CXXC5: variants seen among roughly 807,000 people sequenced by gnomAD.
The protein encoded by CXXC5 is CXXC finger protein 5.
CXXC5 carries 2 observed loss-of-function variants against 17.6 expected under a neutral mutation model. That is an observed-to-expected ratio of 0.11 (90% CI 0.05 to 0.36). The LOEUF (loss-of-function observed/expected upper bound fraction) is 0.36, where lower values mean the gene tolerates loss of function less well. Among genes scored for constraint, CXXC5 ranks in the 10% least tolerant of loss-of-function variants. The pLI is 1.00. For synonymous variants in CXXC5, 171 were observed against 193.0 expected (o/e 0.89, Z 0.94); for missense variants, 343 against 458.3 (o/e 0.75, Z 2.30).
rs73790672 is a variant in CXXC5 at position 139,656,136 on chromosome 5, G to A, written c.-161+7291G>A. ...ACTTGTGTGCCATGCCAGTACGGGC[G>A]TAATGTTCGGGCACTGGGGGCCTGG... On this transcript the variant is annotated intron_variant, in intron 1 of 2. Transcript: ENST00000302517. Among the ~76,000 whole-genome samples, 844 of 152,404 alleles carry A rather than the reference G, an allele frequency of 5.5e-3. 15 individuals are homozygous for A. Among genetic ancestry groups the A allele is most frequent in the African/African-American group, 0.019 (793 of 41,602 alleles).
At chr5:139,652,171 C>CGCGCGCGCGT (rs1491556663) in intron 1 of CXXC5, among the ~76,000 whole-genome samples, 1 of 114,960 alleles carries the variant, frequency 8.7e-6, no homozygotes, top group Non-Finnish European at 1.9e-5. Flanking sequence ...CGCGCGCGCG[C>CGCGCGCGCGT]GTGTGTGTGT....
At chr5:139,667,555 G>A (rs953082215) in intron 1 of CXXC5, among the ~76,000 whole-genome samples, 1 of 152,166 alleles carries the variant, frequency 6.6e-6, no homozygotes, top group Non-Finnish European at 1.5e-5. Context: ...GGTGGGTGTG[G>A]GGCCACTTGG....
upstream of CXXC5, chr5:139,648,175 T>G (rs1292975391): frequency 7.2e-6 from 1 of 139,614 alleles, no homozygotes; most frequent in African/African-American, 2.7e-5. Flanking sequence ...AGCTCCGGCC[T>G]CAGAGCCCGC....
intron 2 of CXXC5, among the ~76,000 whole-genome samples, chr5:139,682,236 C>G (rs907545921): frequency 5.3e-5 from 8 of 152,176 alleles, no homozygotes; most frequent in African/African-American, 1.9e-4. Context: ...CCCCGCCCCT[C>G]TATGAGTGGG....
At chr5:139,669,987 C>T (rs1284373962) in intron 1 of CXXC5, among the ~76,000 whole-genome samples, 1 of 152,216 alleles carries the variant, frequency 6.6e-6, no homozygotes, top group African/African-American at 2.4e-5. Flanking sequence ...GCCTGAGCCT[C>T]CATCGACCCT....
In CXXC5 at chr5:139,670,796, C is replaced by T. The variant is rs1476741470; in HGVS notation, c.-160-9568C>T. On this transcript the variant is annotated intron_variant, in intron 1 of 2. Coordinates refer to ENST00000302517, the MANE Select transcript of CXXC5 (RefSeq NM_016463.9). This position sits in a 1 kb window ranked among gnomAD's most constrained non-coding sequence, Gnocchi z 4.2. ...CTCCCCCAGCACTGCTACATGATCC[C>T]CATATATGCTTTAATGCTGTGGTCT... 6.6e-6 allele frequency among the ~76,000 whole-genome samples: 1 copy of T among 152,200 alleles called. No homozygotes were observed. The highest frequency in any genetic ancestry group is 2.4e-5 in the African/African-American group (1 of 41,430).
At chr5:139,682,735 G>C in intron 2 of CXXC5, 128 bp from the exon 3 acceptor site, 1 of 961,592 alleles carries the variant, frequency 1.0e-6, no homozygotes, top group East Asian at 3.0e-5. Flanking sequence ...GGAGCTCCGA[G>C]GGGTGGCTGC....
intron 1 of CXXC5, among the ~76,000 whole-genome samples, chr5:139,675,118 G>T (rs767022349): frequency 2.6e-5 from 4 of 152,236 alleles, no homozygotes; most frequent in Non-Finnish European, 5.9e-5. Context: ...GGAAGGCAGT[G>T]CTGGGGTCTG....
chr5:139,678,411 C>A (rs1244704414), intron 1 of CXXC5, among the ~76,000 whole-genome samples: 2 of 152,152 alleles, frequency 1.3e-5, no homozygotes, highest in African/African-American at 4.8e-5. Flanking sequence ...CCTGCCAGGG[C>A]CCCCCGGCTC....
chr5:139,680,929 C>T lies in CXXC5; in HGVS notation c.406C>T (p.His136Tyr). The change falls in exon 2 of 3, where the codon CAC (histidine) becomes TAC (tyrosine). Residue 136 changes from histidine (H) to tyrosine (Y), a missense_variant. Physicochemically the swap from His to Tyr is moderately conservative, Grantham distance 83 (BLOSUM62 2). Around this residue, in one of 4 missense-constraint regions of CXXC5, gnomAD observed 297 missense variants for 363.4 expected, o/e 0.82. Coordinates refer to ENST00000302517, the MANE Select transcript of CXXC5 (RefSeq NM_016463.9). Reference sequence around the variant, plus strand: ...GGACAAAAGCAACCCTACCTCAAAGCACAAAAGTGGTGCTGTGGCCAGCCT... The same window carrying T: ...GGACAAAAGCAACCCTACCTCAAAGTACAAAAGTGGTGCTGTGGCCAGCCT... ...AVDKSNPTSK[H>Y]KSGAVASLLS... 6.2e-7 allele frequency: 1 copy of T among 1,602,056 alleles called. No homozygotes were observed. Among genetic ancestry groups the T allele is most frequent in the South Asian group, 1.1e-5 (1 of 91,090 alleles).
At chr5:139,681,527 C>T in intron 2 of CXXC5, 80 bp downstream of exon 2, 1 of 1,483,636 alleles carries the variant, frequency 6.7e-7, no homozygotes, top group Non-Finnish European at 9.0e-7. Flanking sequence ...CCTGACCCCA[C>T]TTTTCCTACC....
At chr5:139,649,471 C>T (rs1581552324) in intron 1 of CXXC5, 1 of 152,256 alleles carries the variant, frequency 6.6e-6, no homozygotes, top group African/African-American at 2.4e-5. Flanking sequence ...CTCGACCACG[C>T]GTGGCTGAGC....
At chr5:139,674,549 C>G (rs1359194391) in intron 1 of CXXC5, among the ~76,000 whole-genome samples, 1 of 152,242 alleles carries the variant, frequency 6.6e-6, no homozygotes, top group Admixed American at 6.5e-5. Flanking sequence ...GGCTGCAAGG[C>G]TGGTCAGCCA....
chr5:139,660,211 C>T (rs530856648), intron 1 of CXXC5, among the ~76,000 whole-genome samples: 11 of 152,290 alleles, frequency 7.2e-5, no homozygotes, highest in Non-Finnish European at 1.3e-4. Context: ...AGCTCTGACA[C>T]GGGGAAGGGG....
chr5:139,657,785 G>A (rs976327109), intron 1 of CXXC5, among the ~76,000 whole-genome samples: 7 of 152,194 alleles, frequency 4.6e-5, no homozygotes, highest in South Asian at 4.1e-4. Flanking sequence ...GGACTGTGGC[G>A]GGAAGGAGGA....
intron 1 of CXXC5, among the ~76,000 whole-genome samples, chr5:139,674,737 A>G (rs543966437): frequency 2.9e-4 from 44 of 152,354 alleles, no homozygotes; most frequent in African/African-American, 1.1e-3. Flanking sequence ...CCTGCCAGCC[A>G]GGCGCAGTGG....
intron 1 of CXXC5, among the ~76,000 whole-genome samples, chr5:139,659,385 G>A (rs1561535445): frequency 6.6e-6 from 1 of 152,212 alleles, no homozygotes; most frequent in Non-Finnish European, 1.5e-5. Context: ...GGGCAATGGG[G>A]GCAAATAAGG....
At chr5:139,677,025 C>T (rs1233617266) in intron 1 of CXXC5, among the ~76,000 whole-genome samples, 1 of 151,698 alleles carries the variant, frequency 6.6e-6, no homozygotes, top group African/African-American at 2.4e-5. Context: ...GCCCCTGGTC[C>T]CAGCTCCCGG....
rs1450605046 is a variant in CXXC5, at chr5:139,663,566, C to T, written c.-161+14721C>T. 6.6e-6 allele frequency among the ~76,000 whole-genome samples: 1 copy of T among 152,156 alleles called. No homozygotes were observed. The highest frequency in any genetic ancestry group is 1.5e-5 in the Non-Finnish European group (1 of 68,018). The stretch of plus-strand genomic sequence containing the variant: ...AGGCTTCTACCACATGTCCATCCCC[C>T]CATGGTCCTGCAGGCTAGACGGGGA... On this transcript the variant is annotated intron_variant, in intron 1 of 2. Transcript: ENST00000302517. This position sits in a 1 kb window ranked among gnomAD's most constrained non-coding sequence, Gnocchi z 4.2.
Sources: gnomAD v4.1 joint callset for allele counts (sites outside exome capture counted in the v4.1 genomes callset) on GRCh38, gnomAD v4.1.1 for gene constraint, gnomAD v4.1.1 regional missense constraint, Gnocchi (gnomAD v3.1) non-coding constraint, MANE v1.5 for transcripts, NCBI Gene and HGNC (gene_info 2026-07-23, HGNC 2026-07-21) for gene names.